Variants in GPC5 observed in about 807,000 individuals in gnomAD.
GPC5 encodes the protein glypican 5, also known as glypican-5.
Under a neutral mutation model 53.9 loss-of-function variants are expected in GPC5, and 47 were observed. The observed-to-expected ratio is 0.87, with a 90% confidence interval of 0.69 to 1.11. The LOEUF (loss-of-function observed/expected upper bound fraction) is 1.11. Among genes scored for constraint, GPC5 ranks in the 50% most tolerant of loss-of-function variants. The pLI, the probability that GPC5 is intolerant of heterozygous loss-of-function variation, is 0.00. For missense variants in GPC5, 748 were observed against 713.1 expected, an observed-to-expected ratio of 1.05 and a Z score of -0.56; for synonymous variants, 286 against 263.3, an observed-to-expected ratio of 1.09 and a Z score of -0.84.
intron 7 of GPC5, among the ~76,000 whole-genome samples, chr13:92,152,723 A>G (rs1369147424): frequency 1.4e-5 from 2 of 142,244 alleles, no homozygotes; most frequent in Admixed American, 7.3e-5. Context: ...TGGGCGACAG[A>G]GTGAGACTCC....
At chr13:92,564,513 T>A (rs1053039940) in intron 7 of GPC5, among the ~76,000 whole-genome samples, 28 of 152,056 alleles carry the variant, frequency 1.8e-4, no homozygotes, top group African/African-American at 4.1e-4. Context: ...TTTAATTAAT[T>A]ATTTTATAAT....
intron 6 of GPC5, among the ~76,000 whole-genome samples, chr13:91,975,221 A>C (rs1475976122): frequency 6.6e-6 from 1 of 152,168 alleles, no homozygotes; most frequent in Non-Finnish European, 1.5e-5. Context: ...CAAGGACTTC[A>C]TGTCTAAAAC....
intron 7 of GPC5, among the ~76,000 whole-genome samples, chr13:92,432,667 G>T (rs931319184): frequency 5.9e-5 from 9 of 151,402 alleles, no homozygotes; most frequent in African/African-American, 2.2e-4. Context: ...GAGCCATGAC[G>T]CCTGGCCATA....
At chr13:91,452,978 T>C (rs1298117133) in intron 2 of GPC5, among the ~76,000 whole-genome samples, 1 of 151,810 alleles carries the variant, frequency 6.6e-6, no homozygotes, top group Non-Finnish European at 1.5e-5. Flanking sequence ...ACTAAGTCTT[T>C]ATTCTGGAAA....
chr13:91,629,845 T>C (rs1433049536), intron 2 of GPC5, among the ~76,000 whole-genome samples: 1 of 152,146 alleles, frequency 6.6e-6, no homozygotes, highest in Non-Finnish European at 1.5e-5. Context: ...CTTTAAACAC[T>C]GTAATATGTA....
intron 7 of GPC5, among the ~76,000 whole-genome samples, chr13:92,696,961 TC>T (rs1484716865): frequency 6.6e-6 from 1 of 152,186 alleles, no homozygotes; most frequent in African/African-American, 2.4e-5. Flanking sequence ...GGGAATCCTT[TC>T]CCCATTGCTT....
At chr13:92,489,333 C>G (rs1816498849) in intron 7 of GPC5, among the ~76,000 whole-genome samples, 1 of 152,182 alleles carries the variant, frequency 6.6e-6, no homozygotes, top group Non-Finnish European at 1.5e-5. Flanking sequence ...CATCTTGTGA[C>G]TCACCAATTC....
intron 6 of GPC5, among the ~76,000 whole-genome samples, chr13:91,939,264 A>C (rs1240418808): frequency 1.3e-5 from 2 of 152,172 alleles, no homozygotes; most frequent in Non-Finnish European, 2.9e-5. Context: ...ATCTGATAGC[A>C]AATTAAGAAA....
chr13:92,795,340 G>C (rs1161052393), intron 7 of GPC5, among the ~76,000 whole-genome samples: 1 of 152,120 alleles, frequency 6.6e-6, no homozygotes, highest in Admixed American at 6.5e-5. Context: ...TATGTAGAAA[G>C]CTGAAACTGG....
At chr13:91,964,063 C>T (rs1012101899) in intron 6 of GPC5, among the ~76,000 whole-genome samples, 7 of 152,086 alleles carry the variant, frequency 4.6e-5, no homozygotes, top group Non-Finnish European at 8.8e-5. Flanking sequence ...CGCGGTGTTA[C>T]AGTTCTTAAA....
intron 7 of GPC5, among the ~76,000 whole-genome samples, chr13:92,776,529 G>A (rs1302877126): frequency 6.6e-6 from 1 of 152,212 alleles, no homozygotes; most frequent in African/African-American, 2.4e-5. Context: ...GGATAAGGGT[G>A]TAAATCTCTT....
chr13:92,246,043 C>T (rs1440754772), intron 7 of GPC5, among the ~76,000 whole-genome samples: 2 of 150,356 alleles, frequency 1.3e-5, no homozygotes, highest in African/African-American at 4.8e-5. Flanking sequence ...AAAAAATCAT[C>T]GTATCACCCA....
chr13:92,670,070 G>A (rs544235689), intron 7 of GPC5, among the ~76,000 whole-genome samples: 40 of 152,172 alleles, frequency 2.6e-4, no homozygotes, highest in South Asian at 1.2e-3. Context: ...GATTTCCAGC[G>A]CCTAGCACAG....
chr13:92,188,951 G>A (rs945667284), intron 7 of GPC5, among the ~76,000 whole-genome samples: 4 of 152,154 alleles, frequency 2.6e-5, no homozygotes, highest in African/African-American at 9.7e-5. Flanking sequence ...AGACAGGCAG[G>A]TACAAAACAT....
intron 6 of GPC5, among the ~76,000 whole-genome samples, chr13:91,961,233 C>CT (rs1396017269): frequency 3.9e-5 from 6 of 152,060 alleles, no homozygotes; most frequent in South Asian, 4.1e-4. Flanking sequence ...TCTAAATACT[C>CT]TGACTTAATC....
intron 5 of GPC5, among the ~76,000 whole-genome samples, chr13:91,848,126 T>C (rs996804643): frequency 6.6e-6 from 1 of 152,236 alleles, no homozygotes; most frequent in Non-Finnish European, 1.5e-5. Context: ...AAATCATAAT[T>C]ATTAATTGGA....
At chr13:91,421,659 A>C (rs998627472) in intron 1 of GPC5, among the ~76,000 whole-genome samples, 1 of 152,226 alleles carries the variant, frequency 6.6e-6, no homozygotes, top group Non-Finnish European at 1.5e-5. Context: ...TAATGAGAGA[A>C]AAACTAATAA....
chr13:92,603,351 A>G (rs1884146174), intron 7 of GPC5, among the ~76,000 whole-genome samples: 1 of 152,050 alleles, frequency 6.6e-6, no homozygotes, highest in Non-Finnish European at 1.5e-5. Context: ...GGAGCAACCT[A>G]GTCTTCTCAA....
intron 5 of GPC5, among the ~76,000 whole-genome samples, chr13:91,847,948 A>C (rs1425892183): frequency 6.6e-6 from 1 of 152,222 alleles, no homozygotes; most frequent in Non-Finnish European, 1.5e-5. Flanking sequence ...ACTTTGGAAA[A>C]GATCATTGTA....
Sources: allele counts gnomAD v4.1 joint callset (sites outside exome capture counted in the v4.1 genomes callset), GRCh38; gene constraint gnomAD v4.1.1; transcripts MANE v1.5; gene names NCBI Gene and HGNC (gene_info 2026-07-23, HGNC 2026-07-21).